The following DAZL variants were observed in gnomAD, a reference collection of about 807,000 sequenced individuals.
DAZL encodes the protein deleted in azoospermia like.
In DAZL, 4 loss-of-function variants were observed where a neutral mutation model predicts 45.0. The observed-to-expected ratio is 0.09, with a 90% CI of 0.04 to 0.20. DAZL has a LOEUF of 0.20. Ranked by LOEUF, DAZL falls within the 10% of genes least tolerant of loss-of-function variation. The pLI is 1.00. For missense variants in DAZL, 326 were observed against 351.3 expected (o/e 0.93, Z 0.58); for synonymous variants, 122 against 112.4 (o/e 1.09, Z -0.54).
At chr3:16,595,430 T>C (rs1406540537) in intron 6 of DAZL, 45 bp from the exon 7 acceptor site, 11 of 1,171,378 alleles carry the variant, frequency 9.4e-6, no homozygotes, top group Admixed American at 6.2e-5. Context: ...TAAAACATTT[T>C]TTAAAATTAG....
At chr3:16,605,111 G>T in intron 1 of DAZL, 92 bp downstream of exon 1, 3 of 1,514,614 alleles carry the variant, frequency 2.0e-6, no homozygotes, top group Non-Finnish European at 2.8e-6. Flanking sequence ...GAAAGCCGAG[G>T]ATGACTTCAC....
At chr3:16,604,155 G>T (rs1380613898) in intron 1 of DAZL, among the ~76,000 whole-genome samples, 4 of 152,102 alleles carry the variant, frequency 2.6e-5, no homozygotes, top group African/African-American at 9.7e-5. Context: ...AATATAAACT[G>T]TGTATAAATT....
At chr3:16,604,587 G>A in intron 1 of DAZL, 2 of 1,410,370 alleles carry the variant, frequency 1.4e-6, no homozygotes, top group South Asian at 1.6e-5. Context: ...CATGCCTTCA[G>A]GACGCCCCAC....
intron 1 of DAZL, chr3:16,604,505 G>A (rs746984255): frequency 1.1e-5 from 17 of 1,518,812 alleles, no homozygotes; most frequent in African/African-American, 1.4e-5. Flanking sequence ...GCCGCCATCA[G>A]CAAGTCCCCC....
intron 8 of DAZL, 67 bp from the exon 9 acceptor site, chr3:16,593,835 T>C: frequency 1.0e-6 from 1 of 1,001,222 alleles, no homozygotes; most frequent in South Asian, 1.6e-5. Context: ...CACTTATTCT[T>C]CAAAAAGCTA....
intron 10 of DAZL, among the ~76,000 whole-genome samples, chr3:16,590,987 C>T (rs1446123283): frequency 1.3e-5 from 2 of 152,142 alleles, no homozygotes; most frequent in African/African-American, 4.8e-5. Flanking sequence ...GAAATGCAAA[C>T]TTTAAATAGG....
intron 6 of DAZL, among the ~76,000 whole-genome samples, chr3:16,596,351 G>A (rs1231886110): frequency 2.6e-5 from 4 of 152,004 alleles, no homozygotes; most frequent in South Asian, 2.1e-4. Flanking sequence ...ATATCCAGAA[G>A]TCAGCAATTT....
chr3:16,595,483 A>G (rs574047094), intron 6 of DAZL, 98 bp from the exon 7 acceptor site: 2 of 673,882 alleles, frequency 3.0e-6, no homozygotes, highest in African/African-American at 1.8e-5. Context: ...AACTTTTAAA[A>G]TATTTTTCTA....
At chr3:16,604,621 A>G in intron 1 of DAZL, 1 of 1,361,980 alleles carries the variant, frequency 7.3e-7, no homozygotes, top group Non-Finnish European at 9.4e-7. Flanking sequence ...GCCCCCACGA[A>G]CCCCGCCCAC....
chr3:16,597,579 A>G (rs751073695), intron 3 of DAZL, 38 bp from the exon 4 acceptor site: 3 of 1,251,174 alleles, frequency 2.4e-6, no homozygotes, highest in Non-Finnish European at 3.5e-6. Context: ...AATCACCATC[A>G]TACAGTACAT....
chr3:16,588,442 AT>A lies in DAZL; in HGVS notation c.*217del. On this transcript the variant is annotated 3_prime_UTR_variant, in exon 11 of 11. Coordinates refer to ENST00000399444, the MANE Select transcript of DAZL (RefSeq NM_001351.4). ...ATCTTAGTTTCTTTCAGTCTCAATT[AT>A]TTTTTTACTTTCAACTATATTTCAA... The A allele has an allele frequency of 2.6e-6, 1 of 388,494 alleles. No individual in the cohort carries two copies. 24.1% of individuals were successfully genotyped at this position (388,494 alleles called of 1,614,324 possible).
chr3:16,600,310 ACT>A (rs1470454023), intron 1 of DAZL, among the ~76,000 whole-genome samples: 1 of 152,224 alleles, frequency 6.6e-6, no homozygotes, highest in Non-Finnish European at 1.5e-5. Context: ...GCTAGAAGTT[ACT>A]GATTCTACAC....
intron 10 of DAZL, among the ~76,000 whole-genome samples, 166 bp from the exon 11 acceptor site, chr3:16,588,879 CATAT>C (rs1260362772): frequency 6.6e-6 from 1 of 151,724 alleles, no homozygotes; most frequent in Non-Finnish European, 1.5e-5. Context: ...ACTGGGATAA[CATAT>C]ATACCAGGAT....
intron 10 of DAZL, among the ~76,000 whole-genome samples, chr3:16,590,520 T>G (rs1323700440): frequency 6.6e-6 from 1 of 152,190 alleles, no homozygotes; most frequent in East Asian, 1.9e-4. Flanking sequence ...GACTTAGCAA[T>G]TCCATTCCCA....
At chr3:16,588,872 G>GT (rs1426223005) in intron 10 of DAZL, among the ~76,000 whole-genome samples, 159 bp from the exon 11 acceptor site, 1 of 151,886 alleles carries the variant, frequency 6.6e-6, no homozygotes, top group Non-Finnish European at 1.5e-5. Flanking sequence ...CTTGAACACT[G>GT]GGATAACATA....
rs1694472752 is a variant in DAZL, at chr3:16,588,568, T to A, written c.*92A>T. 1 of 1,004,588 alleles carries A rather than the reference T, an allele frequency of 1.0e-6. No homozygotes were observed. Among genetic ancestry groups the A allele is most frequent in the Middle Eastern group, 2.1e-4 (1 of 4,804 alleles). The allele number at this position is 1,004,588 out of a possible 1,614,324, so 62.2% of individuals were successfully genotyped here. On this transcript the variant is annotated 3_prime_UTR_variant, in exon 11 of 11. Coordinates refer to ENST00000399444, the MANE Select transcript of DAZL (RefSeq NM_001351.4). Reference sequence around the variant, plus strand: ...TTATACACAAAGTTTGAGTGTGATTTACCAAAATTCAGAATTTCTATAATA... The same window carrying A: ...TTATACACAAAGTTTGAGTGTGATTAACCAAAATTCAGAATTTCTATAATA...
chr3:16,605,330 G>T lies in DAZL; in HGVS notation c.-125C>A. 3 of 1,193,342 alleles carry T rather than the reference G, an allele frequency of 2.5e-6. No individual in the cohort carries two copies. The highest frequency in any genetic ancestry group is 1.5e-5 in the African/African-American group (1 of 66,558). The allele number at this position is 1,193,342 out of a possible 1,614,324, so 73.9% of individuals were successfully genotyped here. A position where few individuals can be genotyped will look rare whatever the true frequency, so the allele number is the denominator to read the frequency against. The stretch of plus-strand genomic sequence containing the variant: ...TGCGCGGCTTCGAGTGGTCAAAGGA[G>T]CCAAAGATGAAGAGAAAAGGAAAAC... On this transcript the variant is annotated 5_prime_UTR_variant, in exon 1 of 11. Coordinates refer to ENST00000399444, the MANE Select transcript of DAZL (RefSeq NM_001351.4).
intron 1 of DAZL, among the ~76,000 whole-genome samples, chr3:16,602,729 A>G (rs1283062497): frequency 1.3e-5 from 2 of 152,236 alleles, no homozygotes; most frequent in African/African-American, 2.4e-5. Flanking sequence ...AAAATACAGC[A>G]TTCATTTTTA....
intron 1 of DAZL, chr3:16,604,611 GC>G (rs1694745719): frequency 7.3e-7 from 1 of 1,373,834 alleles, no homozygotes; most frequent in Non-Finnish European, 9.4e-7. Flanking sequence ...CCACGCTGAG[GC>G]CCCCACGAAC....
Sources: allele counts gnomAD v4.1 joint callset (sites outside exome capture counted in the v4.1 genomes callset), GRCh38; gene constraint gnomAD v4.1.1; transcripts MANE v1.5; gene names NCBI Gene and HGNC (gene_info 2026-07-23, HGNC 2026-07-21).